RETREG1: variants seen among roughly 807,000 people sequenced by gnomAD.
The protein encoded by RETREG1 is reticulophagy regulator 1.
In RETREG1, 44 loss-of-function variants were observed where a neutral mutation model predicts 54.8. That is an observed-to-expected ratio of 0.80 (90% CI 0.63 to 1.03). RETREG1 has a LOEUF of 1.03. Among genes scored for constraint, RETREG1 ranks in the 50% least tolerant of loss-of-function variants. RETREG1 has a pLI of 0.00. For synonymous variants in RETREG1, 217 were observed against 238.5 expected, an observed-to-expected ratio of 0.91 and a Z score of 0.83; for missense variants, 554 against 605.1, an observed-to-expected ratio of 0.92 and a Z score of 0.89.
At chr5:16,573,259 TC>T (rs982519645) in intron 1 of RETREG1, among the ~76,000 whole-genome samples, 2 of 142,478 alleles carry the variant, frequency 1.4e-5, no homozygotes, top group African/African-American at 5.1e-5. Context: ...AAGATCATGC[TC>T]CCCTTTTGCT....
chr5:16,614,374 A>G (rs56932210), intron 1 of RETREG1, among the ~76,000 whole-genome samples: 272 of 152,370 alleles, frequency 1.8e-3, no homozygotes, highest in African/African-American at 6.2e-3. Context: ...TTATTTATAA[A>G]CAAACAATGC....
chr5:16,537,153 C>T (rs1741097286), intron 3 of RETREG1, among the ~76,000 whole-genome samples: 1 of 152,256 alleles, frequency 6.6e-6, no homozygotes, highest in East Asian at 1.9e-4. Context: ...CCAGGCCCTG[C>T]ACCAAGCACA....
chr5:16,547,575 T>A lies in RETREG1; in HGVS notation c.458+18188A>T, dbSNP rs974643370. ...TAACTTATGTTTCAGTAGCATTGAT[T>A]TAGGCTGCAGAAACAGGCGTGAGAC... On this transcript the variant is annotated intron_variant, in intron 3 of 8. Coordinates refer to ENST00000306320, the MANE Select transcript of RETREG1 (RefSeq NM_001034850.3). Among the ~76,000 whole-genome samples, 4 of 152,196 alleles carry A rather than the reference T, an allele frequency of 2.6e-5. No homozygotes were observed. The South Asian group carries it at 6.2e-4, about 24-fold the overall frequency.
intron 3 of RETREG1, among the ~76,000 whole-genome samples, chr5:16,499,156 T>G (rs1739594374): frequency 6.6e-6 from 1 of 152,084 alleles, no homozygotes; most frequent in African/African-American, 2.4e-5. Context: ...AGGGACAGGA[T>G]GATGAAGACA....
chr5:16,479,030 A>G, intron 5 of RETREG1, 43 bp from the exon 6 acceptor site: 1 of 1,596,138 alleles, frequency 6.3e-7, no homozygotes, highest in Non-Finnish European at 8.6e-7. Context: ...CTTTCCTTTC[A>G]AAAGGCTACG....
At chr5:16,550,598 C>G (rs1259068401) in intron 3 of RETREG1, among the ~76,000 whole-genome samples, 2 of 152,178 alleles carry the variant, frequency 1.3e-5, no homozygotes, top group African/African-American at 2.4e-5. Context: ...AAAAGCCATC[C>G]AGCCCTGCTG....
intron 1 of RETREG1, among the ~76,000 whole-genome samples, chr5:16,587,828 G>A (rs751734202): frequency 4.6e-5 from 7 of 152,222 alleles, no homozygotes; most frequent in Admixed American, 2.0e-4. Context: ...TGGTTCTCCC[G>A]CAGCAAGCCT....
chr5:16,528,559 G>C (rs79491010), intron 3 of RETREG1, among the ~76,000 whole-genome samples: 1 of 152,146 alleles, frequency 6.6e-6, no homozygotes. Flanking sequence ...GGAGGAGTGA[G>C]ACCTGTCCCA....
Position 16,474,945 on chromosome 5 carries a change from C to T in RETREG1, c.1290G>A (p.Glu430=), listed in dbSNP as rs1486612761. 2 of 1,613,892 alleles carry T rather than the reference C, an allele frequency of 1.2e-6. No homozygotes were observed. The highest frequency in any genetic ancestry group is 1.7e-6 in the Non-Finnish European group (2 of 1,179,956). The change falls in exon 9 of 9, where the codon GAG becomes GAA. Residue 430 remains glutamate, a synonymous_variant. Transcript: ENST00000306320. ...AVTAAIKDQL[E]GVQQALSQAA... is the part of the protein sequence containing the mutation. ...CCTGAGAAAGTGCTTGCTGCACACC[C>T]TCTAACTGGTCTTTGATAGCTGCAG...
chr5:16,532,963 G>A (rs1402770289), intron 3 of RETREG1, among the ~76,000 whole-genome samples: 2 of 152,152 alleles, frequency 1.3e-5, no homozygotes, highest in Admixed American at 1.3e-4. Context: ...AAAACCCTAG[G>A]TAAATGCTCT....
chr5:16,551,786 C>G (rs1046649597), intron 3 of RETREG1, among the ~76,000 whole-genome samples: 2 of 152,158 alleles, frequency 1.3e-5, no homozygotes, highest in African/African-American at 4.8e-5. Context: ...AATCCATCAT[C>G]TTGCAGTTCT....
At chr5:16,590,523 C>T (rs1272558206) in intron 1 of RETREG1, among the ~76,000 whole-genome samples, 1 of 152,152 alleles carries the variant, frequency 6.6e-6, no homozygotes, top group Non-Finnish European at 1.5e-5. Context: ...AATGAAATAT[C>T]TTAGAAATGA....
chr5:16,486,535 T>TA (rs1231979525), intron 3 of RETREG1, among the ~76,000 whole-genome samples: 2 of 152,250 alleles, frequency 1.3e-5, no homozygotes, highest in African/African-American at 4.8e-5. Flanking sequence ...CAAATTCCCT[T>TA]ATTTTATAGG....
intron 3 of RETREG1, among the ~76,000 whole-genome samples, chr5:16,548,979 C>T (rs1041661289): frequency 6.6e-6 from 1 of 152,252 alleles, no homozygotes; most frequent in African/African-American, 2.4e-5. Flanking sequence ...TGAGTACCAG[C>T]AGTGTCACTG....
At position 16,536,515 on chromosome 5, in the gene RETREG1, C is replaced by T. The variant is rs111723025; in HGVS notation, c.458+29248G>A. 2.3e-3 allele frequency among the ~76,000 whole-genome samples: 356 copies of T among 152,300 alleles called. 2 individuals are homozygous for T. Among genetic ancestry groups the T allele is most frequent in the African/African-American group, 8.3e-3 (344 of 41,562 alleles). Reference sequence around the variant, plus strand: ...AGCCTGGTTCACCCCTGGACCCTGACATGCCAACACGTCAACACACTCTAA... The same window carrying T: ...AGCCTGGTTCACCCCTGGACCCTGATATGCCAACACGTCAACACACTCTAA... On this transcript the variant is annotated intron_variant, in intron 3 of 8. Transcript: ENST00000306320.
At chr5:16,518,094 T>G (rs1427658459) in intron 3 of RETREG1, among the ~76,000 whole-genome samples, 1 of 148,446 alleles carries the variant, frequency 6.7e-6, no homozygotes. Context: ...ACTATGTATA[T>G]TTATATATAA....
At chr5:16,481,484 G>C (rs1738771653) in intron 4 of RETREG1, among the ~76,000 whole-genome samples, 1 of 152,020 alleles carries the variant, frequency 6.6e-6, no homozygotes, top group Admixed American at 6.6e-5. Context: ...ACATCTGAAA[G>C]TTCAAACTAC....
At chr5:16,552,662 T>G (rs751359124) in intron 3 of RETREG1, among the ~76,000 whole-genome samples, 6 of 152,212 alleles carry the variant, frequency 3.9e-5, no homozygotes, top group Non-Finnish European at 8.8e-5. Flanking sequence ...CAATCACTTC[T>G]CTTAGTTAGT....
intron 3 of RETREG1, among the ~76,000 whole-genome samples, chr5:16,552,030 C>T (rs1406726502): frequency 1.3e-5 from 2 of 152,234 alleles, no homozygotes; most frequent in Non-Finnish European, 2.9e-5. Context: ...GGATCATCCA[C>T]CCATCTCAAG....
Sources: allele counts gnomAD v4.1 joint callset (sites outside exome capture counted in the v4.1 genomes callset), GRCh38; gene constraint gnomAD v4.1.1; transcripts MANE v1.5; gene names NCBI Gene and HGNC (gene_info 2026-07-23, HGNC 2026-07-21).